ADRA1A: variants seen among roughly 807,000 people sequenced by gnomAD.
ADRA1A encodes the protein adrenoceptor alpha 1A, also known as alpha-1A adrenergic receptor.
In ADRA1A, 31 loss-of-function variants were observed where a neutral mutation model predicts 29.6. The ratio of observed to expected loss-of-function variants is 1.05; its 90% CI spans 0.79 to 1.41. The LOEUF (loss-of-function observed/expected upper bound fraction) is 1.41, where lower values mean the gene tolerates loss of function less well. Among genes scored for constraint, ADRA1A ranks in the 40% most tolerant of loss-of-function variants. ADRA1A has a pLI of 0.00. For synonymous variants in ADRA1A, 311 were observed against 254.3 expected (o/e 1.22, Z -2.12); for missense variants, 619 against 601.1 (o/e 1.03, Z -0.31).
intron 2 of ADRA1A, among the ~76,000 whole-genome samples, chr8:26,835,637 C>T (rs773436576): frequency 1.2e-4 from 18 of 152,188 alleles, no homozygotes; most frequent in Non-Finnish European, 2.5e-4. Flanking sequence ...TTACCTTCCA[C>T]TTGTCCCTCC....
chr8:26,860,130 C>T lies in ADRA1A; in HGVS notation c.883+3957G>A, dbSNP rs17056097. ...GCTCCTGTCTACCACCACTTCTCTC[C>T]ACCACAACATCTTCTCCTCCACACT... On this transcript the variant is annotated intron_variant, in intron 2 of 2. Transcript: ENST00000380573. The surrounding 1 kb of genome is among the most constrained non-coding windows in gnomAD (Gnocchi z 4.7). 0.098 allele frequency among the ~76,000 whole-genome samples: 14,874 copies of T among 152,114 alleles called. 923 individuals carry two copies. Among genetic ancestry groups the T allele is most frequent in the East Asian group, 0.29 (1,505 of 5,158 alleles).
rs1323110353 is a variant in ADRA1A at position 26,825,122 on chromosome 8, T to C, written c.883+38965A>G. Among the ~76,000 whole-genome samples the C allele has an allele frequency of 6.6e-6, 1 of 152,182 alleles. No homozygotes were observed. Among genetic ancestry groups the C allele is most frequent in the Non-Finnish European group, 1.5e-5 (1 of 68,042 alleles). Reference sequence around the variant, plus strand: ...AGCATGGCATAAAACAATGCCTGCATGCTCCAGAGAGACCCCCAGCCCCCA... The same window carrying C: ...AGCATGGCATAAAACAATGCCTGCACGCTCCAGAGAGACCCCCAGCCCCCA... On this transcript the variant is annotated intron_variant, in intron 2 of 2. Coordinates refer to ENST00000380573, the MANE Select transcript of ADRA1A (RefSeq NM_000680.4). This position sits in a 1 kb window ranked among gnomAD's most constrained non-coding sequence, Gnocchi z 5.7.
downstream of ADRA1A, chr8:26,765,840 A>C: frequency 7.2e-7 from 1 of 1,385,168 alleles, no homozygotes; most frequent in Non-Finnish European, 9.3e-7. Flanking sequence ...AGCTCTGATT[A>C]AGTAGCTGTG....
chr8:26,777,099 G>C lies in ADRA1A; in HGVS notation c.884-6433C>G, dbSNP rs80331978. ...AGAGTCAAAGTTTAAGAGCAGACCA[G>C]AGTCTACCAGATGCCTTTGTGCTGA... On this transcript the variant is annotated intron_variant, in intron 2 of 2. Transcript: ENST00000380573. Among the ~76,000 whole-genome samples the C allele has an allele frequency of 2.3e-4, 35 of 152,292 alleles. No homozygotes were observed. The East Asian group carries it at 4.6e-3, about 20-fold the overall frequency.
rs1483654919 is a variant in ADRA1A, at chr8:26,831,602, T to C, written c.883+32485A>G. Among the ~76,000 whole-genome samples, 1 of 152,234 alleles carries C rather than the reference T, an allele frequency of 6.6e-6. No homozygotes were observed. Among genetic ancestry groups the C allele is most frequent in the African/African-American group, 2.4e-5 (1 of 41,454 alleles). ...TACATCTGTGTCCAAATATCCTAAA[T>C]AGATTTTCCTAAATTTGAGAATAGT... On this transcript the variant is annotated intron_variant, in intron 2 of 2. Transcript: ENST00000380573. This position sits in a 1 kb window ranked among gnomAD's most constrained non-coding sequence, Gnocchi z 5.2.
In ADRA1A at chr8:26,867,136, C is replaced by T. The variant is rs904821951; in HGVS notation, c.-887G>A. On this transcript the variant is annotated 5_prime_UTR_variant, in exon 1 of 3. Transcript: ENST00000380573. ...AGCTCCTGAACCGCTGTCACTTTAC[C>T]TGCATTTTTTAAAAAGAGTCAAAAT... The T allele has an allele frequency of 4.1e-6, 4 of 985,258 alleles. No homozygotes were observed. The highest frequency in any genetic ancestry group is 1.7e-5 in the African/African-American group (1 of 57,208). 61.0% of individuals were successfully genotyped at this position (985,258 alleles called of 1,614,324 possible).
At chr8:26,804,350 G>A (rs1808812618) in intron 2 of ADRA1A, among the ~76,000 whole-genome samples, 1 of 152,084 alleles carries the variant, frequency 6.6e-6, no homozygotes, top group Non-Finnish European at 1.5e-5. Flanking sequence ...TAGCCCCAAA[G>A]TGGAAACAGT....
rs1367073470 is a variant in ADRA1A at position 26,815,614 on chromosome 8, A to G, written c.884-44948T>C. Reference sequence around the variant, plus strand: ...CAGAGCTAGGCCTTTAGTGAAAGGTAGATGACTAGGAACCTGATCAGTCTC... The same window carrying G: ...CAGAGCTAGGCCTTTAGTGAAAGGTGGATGACTAGGAACCTGATCAGTCTC... On this transcript the variant is annotated intron_variant, in intron 2 of 2. Coordinates refer to ENST00000380573, the MANE Select transcript of ADRA1A (RefSeq NM_000680.4). This position sits in a 1 kb window ranked among gnomAD's most constrained non-coding sequence, Gnocchi z 4.2. Among the ~76,000 whole-genome samples the G allele has an allele frequency of 6.6e-6, 1 of 152,220 alleles. No homozygotes were observed. The highest frequency in any genetic ancestry group is 1.5e-5 in the Non-Finnish European group (1 of 68,046).
intron 2 of ADRA1A, among the ~76,000 whole-genome samples, chr8:26,814,217 A>G (rs1809609239): frequency 6.6e-6 from 1 of 151,984 alleles, no homozygotes; most frequent in South Asian, 2.1e-4. Flanking sequence ...ACTTCCTAGA[A>G]TTAAATGATT....
At chr8:26,764,158 A>G (rs1166645375), downstream of ADRA1A, among the ~76,000 whole-genome samples, 2 of 152,174 alleles carry the variant, frequency 1.3e-5, no homozygotes, top group Non-Finnish European at 2.9e-5. Flanking sequence ...GCTGATGACC[A>G]GTGGGTATGC....
At chr8:26,800,767 G>A (rs560032094) in intron 2 of ADRA1A, among the ~76,000 whole-genome samples, 14 of 152,192 alleles carry the variant, frequency 9.2e-5, no homozygotes, top group African/African-American at 3.1e-4. Context: ...TATGGGGCCA[G>A]TATTACCTTG....
intron 2 of ADRA1A, among the ~76,000 whole-genome samples, chr8:26,772,546 A>G (rs1031052850): frequency 1.3e-5 from 2 of 152,208 alleles, no homozygotes; most frequent in Non-Finnish European, 2.9e-5. Context: ...AAAAAGGAGT[A>G]TGTTGAATGG....
chr8:26,803,069 G>T (rs1273766216), intron 2 of ADRA1A, among the ~76,000 whole-genome samples: 2 of 152,152 alleles, frequency 1.3e-5, no homozygotes, highest in Non-Finnish European at 2.9e-5. Context: ...ATGGTTAGCA[G>T]TGACTGGGAA....
chr8:26,867,217 T>C lies in ADRA1A; in HGVS notation c.-968A>G. The stretch of plus-strand genomic sequence containing the variant: ...TAACTCCACAATCACCCTTTTAATA[T>C]TCAGCTCCCCGACACCAGAAAAGAA... On this transcript the variant is annotated 5_prime_UTR_variant, in exon 1 of 3. Coordinates refer to ENST00000380573, the MANE Select transcript of ADRA1A (RefSeq NM_000680.4). The C allele has an allele frequency of 1.0e-6, 1 of 985,436 alleles. No individual in the cohort carries two copies. The highest frequency in any genetic ancestry group is 1.2e-6 in the Non-Finnish European group (1 of 829,926). 61.0% of individuals were successfully genotyped at this position (985,436 alleles called of 1,614,324 possible).
Position 26,779,511 on chromosome 8 carries a change from A to G in ADRA1A, c.884-8845T>C, listed in dbSNP as rs529367188. 8.3e-5 allele frequency: 52 copies of G among 623,162 alleles called. 1 individual carries two copies. The South Asian group carries it at 9.0e-4, about 11-fold the overall frequency. The allele number at this position is 623,162 out of a possible 1,614,324, so 38.6% of individuals were successfully genotyped here. ...AGCAGATGCTTCTAGGCAAATGGAAACAGTCAAAAGGGGAAAACAGCCCAT... is the reference window on the plus strand; with the variant it reads ...AGCAGATGCTTCTAGGCAAATGGAAGCAGTCAAAAGGGGAAAACAGCCCAT... On this transcript the variant is annotated intron_variant, in intron 2 of 2. Coordinates refer to ENST00000380573, the MANE Select transcript of ADRA1A (RefSeq NM_000680.4).
chr8:26,864,748 CAGG>C lies in ADRA1A; in HGVS notation c.219_221del (p.Leu75del). On this transcript the variant is annotated inframe_deletion, in exon 2 of 3. Coordinates refer to ENST00000380573, the MANE Select transcript of ADRA1A (RefSeq NM_000680.4). This position sits in a 1 kb window ranked among gnomAD's most constrained non-coding sequence, Gnocchi z 8.1. Reference sequence around the variant, plus strand: ...AGAAGGGCAGCACCGTGGAGGTGAGCAGGAGGTCGGCCACCGCCAGGTTGACGA... The same window carrying C: ...AGAAGGGCAGCACCGTGGAGGTGAGCAGGTCGGCCACCGCCAGGTTGACGA... The C allele has an allele frequency of 6.2e-7, 1 of 1,614,092 alleles. No homozygotes were observed. Among genetic ancestry groups the C allele is most frequent in the Non-Finnish European group, 8.5e-7 (1 of 1,180,010 alleles).
At chr8:26,799,999 C>T (rs1808455501) in intron 2 of ADRA1A, among the ~76,000 whole-genome samples, 1 of 152,120 alleles carries the variant, frequency 6.6e-6, no homozygotes, top group African/African-American at 2.4e-5. Context: ...TAGCTCATGC[C>T]TGTAATCCCA....
At chr8:26,782,960 C>T (rs960601617) in intron 2 of ADRA1A, among the ~76,000 whole-genome samples, 6 of 151,950 alleles carry the variant, frequency 3.9e-5, no homozygotes, top group African/African-American at 1.5e-4. Context: ...CCACAACATC[C>T]AATCACCCAG....
chr8:26,749,664 T>C (rs1246726097), intron 2 of ADRA1A, among the ~76,000 whole-genome samples: 1 of 152,256 alleles, frequency 6.6e-6, no homozygotes, highest in African/African-American at 2.4e-5. Flanking sequence ...TCTGCTTTTC[T>C]CTTTGTATTT....
Sources: allele counts gnomAD v4.1 joint callset (sites outside exome capture counted in the v4.1 genomes callset), GRCh38; gene constraint gnomAD v4.1.1; non-coding constraint Gnocchi (gnomAD v3.1); transcripts MANE v1.5; gene names NCBI Gene and HGNC (gene_info 2026-07-23, HGNC 2026-07-21).